The following HRK variants were observed in gnomAD, a reference collection of about 807,000 sequenced individuals.
HRK encodes activator of apoptosis harakiri.
HRK carries 6 observed loss-of-function variants against 5.9 expected under a neutral mutation model. The ratio of observed to expected loss-of-function variants is 1.02; its 90% CI spans 0.56 to 2.01. The LOEUF is 2.01. Among genes scored for constraint, HRK ranks in the 30% most tolerant of loss-of-function variants. The pLI is 0.00. For synonymous variants in HRK, 85 were observed against 65.1 expected (o/e 1.31, Z -1.47); for missense variants, 133 against 128.3 (o/e 1.04, Z -0.18).
intron 1 of HRK, among the ~76,000 whole-genome samples, chr12:116,869,867 G>A (rs1305987353): frequency 1.3e-5 from 2 of 152,150 alleles, no homozygotes; most frequent in African/African-American, 2.4e-5. Flanking sequence ...ATCACTTGAG[G>A]TCAGGAGTTA....
intron 1 of HRK, among the ~76,000 whole-genome samples, chr12:116,864,258 T>TG (rs1309967313): frequency 6.6e-6 from 1 of 152,010 alleles, no homozygotes; most frequent in African/African-American, 2.4e-5. Flanking sequence ...TAAGCACAGG[T>TG]GGGATGGAAG....
At position 116,859,448 on chromosome 12, in the gene HRK, A is replaced by C. The variant is rs1469505467; in HGVS notation, c.*2075T>G. 6.6e-6 allele frequency: 1 copy of C among 152,160 alleles called. No homozygotes were observed. Among genetic ancestry groups the C allele is most frequent in the East Asian group, 1.9e-4 (1 of 5,190 alleles). 9.4% of individuals were successfully genotyped at this position (152,160 alleles called of 1,614,324 possible). A position where few individuals can be genotyped will look rare whatever the true frequency, so the allele number is the denominator to read the frequency against. On this transcript the variant is annotated 3_prime_UTR_variant, in exon 2 of 2. Coordinates refer to ENST00000257572, the MANE Select transcript of HRK (RefSeq NM_003806.4). ...CTAGTCTGTGGCTAAGAAAGTGATT[A>C]AATAGAAGCAGTGACTGTATTTCAT... is the stretch of plus-strand genomic sequence containing the variant.
intron 1 of HRK, among the ~76,000 whole-genome samples, chr12:116,871,092 TTTTTGTTTTG>T (rs57267390): frequency 0.057 from 8,509 of 148,330 alleles, 540 homozygotes; most frequent in African/African-American, 0.16. Context: ...CTAATTTTTG[TTTTTGTTTTG>T]TTTTGTTTTG....
intron 1 of HRK, 32 bp downstream of exon 1, chr12:116,880,944 G>T: frequency 9.5e-7 from 1 of 1,050,696 alleles, no homozygotes; most frequent in Non-Finnish European, 1.2e-6. Context: ...CCCAGCTGCC[G>T]CGCCCCGGCT....
At chr12:116,863,394 A>G (rs1253012744) in intron 1 of HRK, among the ~76,000 whole-genome samples, 2 of 151,694 alleles carry the variant, frequency 1.3e-5, no homozygotes, top group African/African-American at 4.8e-5. Context: ...CCTCCTGGAG[A>G]CTCCAGGTCC....
intron 1 of HRK, among the ~76,000 whole-genome samples, chr12:116,870,823 A>G (rs1878718284): frequency 6.6e-6 from 1 of 152,162 alleles, no homozygotes; most frequent in African/African-American, 2.4e-5. Flanking sequence ...GGCCAATGAC[A>G]TGAATGAGAT....
intron 1 of HRK, among the ~76,000 whole-genome samples, chr12:116,865,899 T>C (rs891974514): frequency 1.3e-5 from 2 of 152,204 alleles, no homozygotes; most frequent in African/African-American, 4.8e-5. Flanking sequence ...GGCTCACGCC[T>C]GTAATCCCAG....
chr12:116,880,612 G>A lies in HRK; in HGVS notation c.*56+364C>T, dbSNP rs936191692. ...GTGCGATAGATTTTAAGTATTTGGC[G>A]TGGCTTACAACTACATTCCCATAGC... On this transcript the variant is annotated intron_variant, in intron 1 of 1. Transcript: ENST00000257572. 2.0e-5 allele frequency among the ~76,000 whole-genome samples: 3 copies of A among 152,146 alleles called. No individual in the cohort carries two copies. The East Asian group carries it at 5.8e-4, about 29-fold the overall frequency.
intron 1 of HRK, among the ~76,000 whole-genome samples, chr12:116,876,423 G>A (rs1290104077): frequency 1.3e-5 from 2 of 152,228 alleles, no homozygotes; most frequent in African/African-American, 4.8e-5. Flanking sequence ...GAACCAGTTA[G>A]CATGTCTGGC....
In HRK at chr12:116,858,106, A is replaced by G. The variant is rs2137239518; in HGVS notation, c.*3417T>C. Reference sequence around the variant, plus strand: ...TGGAAAAGAAGTCCCCAGTATCCAAATGAAGGCGGCTAAAAAAAAAAAAAA... The same window carrying G: ...TGGAAAAGAAGTCCCCAGTATCCAAGTGAAGGCGGCTAAAAAAAAAAAAAA... On this transcript the variant is annotated 3_prime_UTR_variant, in exon 2 of 2. Transcript: ENST00000257572. 8.0e-6 allele frequency: 1 copy of G among 125,474 alleles called. No individual in the cohort carries two copies. Among genetic ancestry groups the G allele is most frequent in the East Asian group, 2.5e-4 (1 of 3,990 alleles). The allele number at this position is 125,474 out of a possible 1,614,324, so 7.8% of individuals were successfully genotyped here. A position where few individuals can be genotyped will look rare whatever the true frequency, so the allele number is the denominator to read the frequency against.
At chr12:116,871,067 C>T (rs148287979) in intron 1 of HRK, among the ~76,000 whole-genome samples, 4,490 of 149,854 alleles carry the variant, frequency 0.03, 188 homozygotes, top group African/African-American at 0.087. Flanking sequence ...TACAGGCACG[C>T]GCCACCACGC....
rs1453705291 is a variant in HRK, at chr12:116,862,093, G to A, written c.*57-627C>T. On this transcript the variant is annotated intron_variant, in intron 1 of 1. Coordinates refer to ENST00000257572, the MANE Select transcript of HRK (RefSeq NM_003806.4). This position sits in a 1 kb window ranked among gnomAD's most constrained non-coding sequence, Gnocchi z 4.0. Reference sequence around the variant, plus strand: ...GAAACGTGGTCTATAGGAGCCCAGGGGAGGCAGCTCATAAGGGAGACAAAG... The same window carrying A: ...GAAACGTGGTCTATAGGAGCCCAGGAGAGGCAGCTCATAAGGGAGACAAAG... Among the ~76,000 whole-genome samples, 9 of 152,160 alleles carry A rather than the reference G, an allele frequency of 5.9e-5. No homozygotes were observed. The highest frequency in any genetic ancestry group is 1.3e-4 in the Non-Finnish European group (9 of 68,034).
At position 116,878,641 on chromosome 12, in the gene HRK, G is replaced by C. The variant is rs1879024744; in HGVS notation, c.*56+2335C>G. ...GAAGGCGGGTGGTGAGCAATTCTAC[G>C]GGTGTCCCGAGGGTATGAGGGGCGG... On this transcript the variant is annotated intron_variant, in intron 1 of 1. Coordinates refer to ENST00000257572, the MANE Select transcript of HRK (RefSeq NM_003806.4). The surrounding 1 kb of genome is among the most constrained non-coding windows in gnomAD (Gnocchi z 4.4). 6.5e-6 allele frequency: 1 copy of C among 153,144 alleles called. No individual in the cohort carries two copies. The highest frequency in any genetic ancestry group is 1.5e-5 in the Non-Finnish European group (1 of 68,818). The allele number at this position is 153,144 out of a possible 1,614,324, so 9.5% of individuals were successfully genotyped here. A position where few individuals can be genotyped will look rare whatever the true frequency, so the allele number is the denominator to read the frequency against.
chr12:116,862,763 G>A lies in HRK; in HGVS notation c.*57-1297C>T, dbSNP rs945564831. On this transcript the variant is annotated intron_variant, in intron 1 of 1. Transcript: ENST00000257572. This position sits in a 1 kb window ranked among gnomAD's most constrained non-coding sequence, Gnocchi z 4.0. ...TTGTTTGTTTTTGAGACAAGGTCTC[G>A]TTCTGTTGCCCAGGCTGGAGTGCAG... Among the ~76,000 whole-genome samples the A allele has an allele frequency of 2.6e-5, 4 of 151,926 alleles. No individual in the cohort carries two copies. The highest frequency in any genetic ancestry group is 5.9e-5 in the Non-Finnish European group (4 of 68,002).
rs1878285037 is a variant in HRK, at chr12:116,859,638, C to CCT, written c.*1884_*1885insAG. On this transcript the variant is annotated 3_prime_UTR_variant, in exon 2 of 2. Coordinates refer to ENST00000257572, the MANE Select transcript of HRK (RefSeq NM_003806.4). ...TTCTCCCAAAATAAGCATTATTCTT[C>CCT]TTTTTTTTTTTTTGGTTTGCTGAGT... 1 of 144,386 alleles carries CCT rather than the reference C, an allele frequency of 6.9e-6. No homozygotes were observed. Among genetic ancestry groups the CCT allele is most frequent in the African/African-American group, 2.5e-5 (1 of 39,388 alleles). The allele number at this position is 144,386 out of a possible 1,614,324, so 8.9% of individuals were successfully genotyped here.
Position 116,881,341 on chromosome 12 carries a change from C to A in HRK, c.-34G>T. On this transcript the variant is annotated 5_prime_UTR_variant, in exon 1 of 2. Coordinates refer to ENST00000257572, the MANE Select transcript of HRK (RefSeq NM_003806.4). ...GCCTCGCTCCCGCCCCGCGCTCGGG[C>A]CGCCCCTCGCCTCCTCTCCCTCCGG... 2 of 1,052,708 alleles carry A rather than the reference C, an allele frequency of 1.9e-6. No individual in the cohort carries two copies. Among genetic ancestry groups the A allele is most frequent in the Non-Finnish European group, 2.3e-6 (2 of 875,292 alleles). The allele number at this position is 1,052,708 out of a possible 1,614,324, so 65.2% of individuals were successfully genotyped here.
rs1432456063 is a variant in HRK at position 116,860,266 on chromosome 12, A to C, written c.*1257T>G. The C allele has an allele frequency of 6.6e-6, 1 of 152,226 alleles. No individual in the cohort carries two copies. Among genetic ancestry groups the C allele is most frequent in the East Asian group, 1.9e-4 (1 of 5,198 alleles). 9.4% of individuals were successfully genotyped at this position (152,226 alleles called of 1,614,324 possible). ...TTGCAGCCAAGTCTCCGTCCAGCAC[A>C]CATCTTTTTTTAGCCCTTCTAGAAA... On this transcript the variant is annotated 3_prime_UTR_variant, in exon 2 of 2. Coordinates refer to ENST00000257572, the MANE Select transcript of HRK (RefSeq NM_003806.4).
chr12:116,857,554 G>A lies in HRK; in HGVS notation c.*3969C>T, dbSNP rs1878196424. 1 of 152,220 alleles carries A rather than the reference G, an allele frequency of 6.6e-6. No individual in the cohort carries two copies. The highest frequency in any genetic ancestry group is 1.5e-5 in the Non-Finnish European group (1 of 68,052). 9.4% of individuals were successfully genotyped at this position (152,220 alleles called of 1,614,324 possible). A position where few individuals can be genotyped will look rare whatever the true frequency, so the allele number is the denominator to read the frequency against. On this transcript the variant is annotated 3_prime_UTR_variant, in exon 2 of 2. Transcript: ENST00000257572. ...CAATGGTGAGCCACTGTCCCTAAAA[G>A]ATACTTGTGTAGGAGGTGGGTGGGT...
At chr12:116,868,376 T>C (rs1182969382) in intron 1 of HRK, among the ~76,000 whole-genome samples, 2 of 152,206 alleles carry the variant, frequency 1.3e-5, no homozygotes, top group African/African-American at 2.4e-5. Context: ...CAGACACTCC[T>C]ACTATCCCCT....
Sources: allele counts gnomAD v4.1 joint callset (sites outside exome capture counted in the v4.1 genomes callset), GRCh38; gene constraint gnomAD v4.1.1; non-coding constraint Gnocchi (gnomAD v3.1); transcripts MANE v1.5; gene names NCBI Gene and HGNC (gene_info 2026-07-23, HGNC 2026-07-21).